CDH13: variants seen among roughly 807,000 people sequenced by gnomAD.
CDH13 encodes cadherin 13.
In CDH13, 24 loss-of-function variants were observed where a neutral mutation model predicts 63.8. The ratio of observed to expected loss-of-function variants is 0.38; its 90% confidence interval spans 0.27 to 0.53. The LOEUF is 0.53. CDH13 is among the 20% of genes least tolerant of loss of function. The pLI, the probability that CDH13 is intolerant of heterozygous loss-of-function variation, is 0.85. For synonymous variants in CDH13, 503 were observed against 355.3 expected, an observed-to-expected ratio of 1.42 and a Z score of -4.67; for missense variants, 1,049 against 903.1, an observed-to-expected ratio of 1.16 and a Z score of -2.07.
intron 6 of CDH13, among the ~76,000 whole-genome samples, chr16:83,383,810 C>T (rs374824838): frequency 1.3e-5 from 2 of 152,148 alleles, no homozygotes; most frequent in African/African-American, 2.4e-5. Flanking sequence ...TGAGTGACTT[C>T]CTCAAGGAAC....
intron 5 of CDH13, among the ~76,000 whole-genome samples, chr16:83,247,217 T>G (rs375662315): frequency 6.6e-6 from 1 of 152,112 alleles, no homozygotes; most frequent in African/African-American, 2.4e-5. Context: ...GGTCATTTAG[T>G]GTAAGCCCAC....
chr16:83,152,198 A>G (rs1312350655), intron 4 of CDH13, among the ~76,000 whole-genome samples: 1 of 152,144 alleles, frequency 6.6e-6, no homozygotes, highest in African/African-American at 2.4e-5. Context: ...TCTTTCTAAA[A>G]TTGCTGTTTG....
chr16:83,378,154 C>T (rs969820059), intron 6 of CDH13, among the ~76,000 whole-genome samples: 3 of 152,196 alleles, frequency 2.0e-5, no homozygotes, highest in Non-Finnish European at 4.4e-5. Context: ...TTTATCCAGC[C>T]TTTGCTCTAT....
Position 83,596,344 on chromosome 16 carries a change from T to A in CDH13, c.961-6110T>A, listed in dbSNP as rs577915272. Among the ~76,000 whole-genome samples the A allele has an allele frequency of 9.8e-5, 15 of 152,324 alleles. No homozygotes were observed. The South Asian group carries it at 2.3e-3, about 23-fold the overall frequency. On this transcript the variant is annotated intron_variant, in intron 7 of 13. Transcript: ENST00000567109. ...GGTCCTAGGAGTTCGGGGTTTACCC[T>A]ACATTCCTGTTTTCCTGACTCTCAG...
chr16:82,676,148 T>C (rs1913873578), intron 1 of CDH13, among the ~76,000 whole-genome samples: 1 of 152,226 alleles, frequency 6.6e-6, no homozygotes, highest in Non-Finnish European at 1.5e-5. Context: ...TTCAACTTTA[T>C]CTACCTGACC....
chr16:83,607,971 T>G (rs12922237), intron 8 of CDH13, among the ~76,000 whole-genome samples: 17,299 of 152,234 alleles, frequency 0.11, 1,103 homozygotes, highest in South Asian at 0.18. Flanking sequence ...CAACAAATAC[T>G]GATTGAATAA....
intron 10 of CDH13, among the ~76,000 whole-genome samples, chr16:83,685,035 G>C (rs1442856550): frequency 1.3e-5 from 2 of 152,174 alleles, no homozygotes; most frequent in Non-Finnish European, 2.9e-5. Flanking sequence ...ATGGTTGCTA[G>C]TGCTCCAACC....
intron 1 of CDH13, among the ~76,000 whole-genome samples, chr16:82,649,346 A>G (rs957511911): frequency 4.6e-5 from 7 of 152,192 alleles, no homozygotes; most frequent in African/African-American, 1.7e-4. Context: ...GGATGGATAC[A>G]TTGATAACTA....
chr16:83,343,096 A>G (rs575314866), intron 5 of CDH13, among the ~76,000 whole-genome samples: 1 of 152,104 alleles, frequency 6.6e-6, no homozygotes, highest in Non-Finnish European at 1.5e-5. Flanking sequence ...TATTACATGC[A>G]TTATTTTATC....
intron 3 of CDH13, among the ~76,000 whole-genome samples, chr16:83,059,121 G>T (rs1311602155): frequency 1.3e-5 from 2 of 152,060 alleles, no homozygotes; most frequent in Non-Finnish European, 2.9e-5. Context: ...GAGGAAGGAG[G>T]CCAATCAAAA....
intron 1 of CDH13, among the ~76,000 whole-genome samples, chr16:82,749,510 A>G (rs58877729): frequency 0.01 from 1,529 of 152,292 alleles, 28 homozygotes; most frequent in African/African-American, 0.035. Context: ...AGTGCTCTGA[A>G]GTATTACCTA....
chr16:82,845,693 C>A (rs888348673), intron 1 of CDH13, among the ~76,000 whole-genome samples: 1 of 152,148 alleles, frequency 6.6e-6, no homozygotes, highest in African/African-American at 2.4e-5. Context: ...CCAAGAGTAC[C>A]TCATATAGGG....
In CDH13 at chr16:82,772,549, C is replaced by T. The variant is rs1181473951; in HGVS notation, c.46-85813C>T. Among the ~76,000 whole-genome samples, 8 of 152,048 alleles carry T rather than the reference C, an allele frequency of 5.3e-5. No individual in the cohort carries two copies. The East Asian group carries it at 1.4e-3, about 26-fold the overall frequency. ...GGTGGCCTGGGTATGAGACATGCTACGCAGAAAAAAACCTAGAAATAACTG... is the reference window on the plus strand; with the variant it reads ...GGTGGCCTGGGTATGAGACATGCTATGCAGAAAAAAACCTAGAAATAACTG... On this transcript the variant is annotated intron_variant, in intron 1 of 13. Transcript: ENST00000567109.
At chr16:83,472,059 A>G (rs2073468069) in intron 6 of CDH13, among the ~76,000 whole-genome samples, 1 of 152,198 alleles carries the variant, frequency 6.6e-6, no homozygotes, top group African/African-American at 2.4e-5. Flanking sequence ...TTTTGATAAC[A>G]ACAATATTCT....
intron 2 of CDH13, among the ~76,000 whole-genome samples, chr16:83,017,782 A>G (rs1227016177): frequency 6.6e-6 from 1 of 152,216 alleles, no homozygotes; most frequent in Non-Finnish European, 1.5e-5. Flanking sequence ...GTGTGTTCAT[A>G]TGAACCAACA....
chr16:83,207,252 G>A (rs868076095), intron 4 of CDH13, among the ~76,000 whole-genome samples: 16 of 152,214 alleles, frequency 1.1e-4, no homozygotes, highest in African/African-American at 3.9e-4. Context: ...CCCATTCACT[G>A]CCTCTGGAAT....
intron 7 of CDH13, among the ~76,000 whole-genome samples, chr16:83,545,222 C>A (rs1429297979): frequency 1.3e-5 from 2 of 152,128 alleles, no homozygotes; most frequent in African/African-American, 4.8e-5. Flanking sequence ...TGGAAACCCT[C>A]CAAGCACCAT....
chr16:83,548,327 C>G (rs975746184), intron 7 of CDH13, among the ~76,000 whole-genome samples: 2 of 152,118 alleles, frequency 1.3e-5, no homozygotes, highest in Admixed American at 6.5e-5. Flanking sequence ...GTTGTTGCAA[C>G]TGGCTGGGAG....
Position 83,125,277 on chromosome 16 carries a change from C to G in CDH13, c.367-108C>G, listed in dbSNP as rs75218087. 2.3e-3 allele frequency: 1,550 copies of G among 666,970 alleles called. 18 individuals are homozygous for G. In the African/African-American group the frequency reaches 0.025, roughly 11 times the overall value. The allele number at this position is 666,970 out of a possible 1,614,324, so 41.3% of individuals were successfully genotyped here. A position where few individuals can be genotyped will look rare whatever the true frequency, so the allele number is the denominator to read the frequency against. ...AGGGTTTGATGGAATACAGTGAACA[C>G]TTTCCAAACAGCTGTATGCTTTCCC... On this transcript the variant is annotated intron_variant, in intron 3 of 13. Transcript: ENST00000567109.
Sources: gnomAD v4.1 joint callset for allele counts (sites outside exome capture counted in the v4.1 genomes callset) on GRCh38, gnomAD v4.1.1 for gene constraint, MANE v1.5 for transcripts, NCBI Gene and HGNC (gene_info 2026-07-23, HGNC 2026-07-21) for gene names.